Variants in ARPC5L observed in about 807,000 individuals in gnomAD.
ARPC5L encodes the protein actin related protein 2/3 complex subunit 5 like.
ARPC5L carries 4 observed loss-of-function variants against 16.9 expected under a neutral mutation model. The ratio of observed to expected loss-of-function variants is 0.24; its 90% CI spans 0.12 to 0.54. ARPC5L has a LOEUF of 0.54. Among genes scored for constraint, ARPC5L ranks in the 20% least tolerant of loss-of-function variants. The probability of loss-of-function intolerance (pLI) is 0.95; values close to 1 mark genes in which losing one functional copy is unlikely to be tolerated. For synonymous variants in ARPC5L, 78 were observed against 82.6 expected (o/e 0.94, Z 0.30); for missense variants, 151 against 201.9 (o/e 0.75, Z 1.53).
intron 2 of ARPC5L, 43 bp downstream of exon 2, chr9:124,864,150 G>T (rs1564309983): frequency 6.6e-6 from 1 of 151,704 alleles, no homozygotes; most frequent in Admixed American, 6.6e-5. Context: ...GGGGAAAAAA[G>T]AGAGTAGAGA....
At chr9:124,874,890 T>G in intron 4 of ARPC5L, 85 bp from the exon 5 acceptor site, 2 of 1,529,746 alleles carry the variant, frequency 1.3e-6, no homozygotes, top group Non-Finnish European at 1.8e-6. Context: ...GTGTTTCTGG[T>G]GATCTGTGTC....
In ARPC5L at chr9:124,869,040, G is replaced by A. The variant is rs1275251016; in HGVS notation, c.-251G>A. On this transcript the variant is annotated 5_prime_UTR_variant, in exon 3 of 6. Transcript: ENST00000353214. ...AGAGACTCCGTGGAAGGGACACTGAGGTGGGGGAGGCTGCGGTGATCCCAT... is the reference window on the plus strand; with the variant it reads ...AGAGACTCCGTGGAAGGGACACTGAAGTGGGGGAGGCTGCGGTGATCCCAT... 18 of 383,014 alleles carry A rather than the reference G, an allele frequency of 4.7e-5. No individual in the cohort carries two copies. Among genetic ancestry groups the A allele is most frequent in the African/African-American group, 2.1e-4 (10 of 47,386 alleles). The allele number at this position is 383,014 out of a possible 1,614,324, so 23.7% of individuals were successfully genotyped here.
intron 3 of ARPC5L, among the ~76,000 whole-genome samples, chr9:124,872,127 C>T (rs997390246): frequency 1.3e-5 from 2 of 152,194 alleles, no homozygotes; most frequent in African/African-American, 4.8e-5. Flanking sequence ...GAGTTAACGC[C>T]ACAGCAGTAG....
chr9:124,872,270 T>C (rs1271854797), intron 3 of ARPC5L, among the ~76,000 whole-genome samples: 1 of 152,160 alleles, frequency 6.6e-6, no homozygotes, highest in African/African-American at 2.4e-5. Context: ...TATGGGATCC[T>C]GCTTATTGCT....
At position 124,869,197 on chromosome 9, in the gene ARPC5L, C is replaced by A. The variant is rs535215872; in HGVS notation, c.-94C>A. The A allele has an allele frequency of 4.0e-5, 52 of 1,313,080 alleles. No individual in the cohort carries two copies. The highest frequency in any genetic ancestry group is 5.0e-5 in the Non-Finnish European group (51 of 1,018,740). The allele number at this position is 1,313,080 out of a possible 1,614,324, so 81.3% of individuals were successfully genotyped here. A position where few individuals can be genotyped will look rare whatever the true frequency, so the allele number is the denominator to read the frequency against. ...GAGGTGCTGGGAGCAGCCGGGCAGC[C>A]GCTTCCCGCCCCCGAGCAGGAGCCG... On this transcript the variant is annotated 5_prime_UTR_variant, in exon 3 of 6. Coordinates refer to ENST00000353214, the MANE Select transcript of ARPC5L (RefSeq NM_030978.3).
rs143556275 is a variant in ARPC5L at position 124,876,487 on chromosome 9, A to G, written c.400-391A>G. On this transcript the variant is annotated intron_variant, in intron 5 of 5. Coordinates refer to ENST00000353214, the MANE Select transcript of ARPC5L (RefSeq NM_030978.3). ...GGTGACAAGAGCGAAACTCCGTCTC[A>G]AAAAAAATAAATTAGCCGGGCCTGG... Among the ~76,000 whole-genome samples the G allele has an allele frequency of 2.8e-3, 420 of 152,094 alleles. 3 individuals carry two copies. The highest frequency in any genetic ancestry group is 9.8e-3 in the African/African-American group (405 of 41,490).
chr9:124,875,842 G>T (rs1332374731), intron 5 of ARPC5L, among the ~76,000 whole-genome samples: 1 of 152,192 alleles, frequency 6.6e-6, no homozygotes, highest in African/African-American at 2.4e-5. Flanking sequence ...TTCCTCAGAG[G>T]CTCAGTGTTG....
chr9:124,865,062 C>T (rs1829250490), intron 2 of ARPC5L, among the ~76,000 whole-genome samples: 1 of 152,006 alleles, frequency 6.6e-6, no homozygotes, highest in South Asian at 2.1e-4. Flanking sequence ...AAACTCCTGA[C>T]CTCAGGTGAT....
At position 124,873,703 on chromosome 9, in the gene ARPC5L, T is replaced by C. The variant is rs1248237865; in HGVS notation, c.161T>C (p.Leu54Pro). 6.2e-7 allele frequency: 1 copy of C among 1,614,212 alleles called. No individual in the cohort carries two copies. Among genetic ancestry groups the C allele is most frequent in the Non-Finnish European group, 8.5e-7 (1 of 1,180,034 alleles). ...TGGTGGTGATGCACAGGGGACATGC[T>C]TCGGGCATTCCATGCAGCCTTGCGG... The part of the protein sequence containing the change: ...VDGLLRQGDM[L>P]RAFHAALRNS... Residue 54 changes from leucine to proline, a missense_variant, in exon 4 of 6, where the codon CTT (leucine) becomes CCT (proline). Coordinates refer to ENST00000353214, the MANE Select transcript of ARPC5L (RefSeq NM_030978.3).
In ARPC5L at chr9:124,869,204, C is replaced by CTCG; in HGVS notation, c.-87_-86insTCG. The CTCG allele has an allele frequency of 1.5e-6, 2 of 1,329,142 alleles. No homozygotes were observed. The highest frequency in any genetic ancestry group is 3.7e-5 in the South Asian group (2 of 53,468). The allele number at this position is 1,329,142 out of a possible 1,614,324, so 82.3% of individuals were successfully genotyped here. A position where few individuals can be genotyped will look rare whatever the true frequency, so the allele number is the denominator to read the frequency against. On this transcript the variant is annotated 5_prime_UTR_variant, in exon 3 of 6. Coordinates refer to ENST00000353214, the MANE Select transcript of ARPC5L (RefSeq NM_030978.3). Reference sequence around the variant, plus strand: ...TGGGAGCAGCCGGGCAGCCGCTTCCCGCCCCCGAGCAGGAGCCGGTGCGAG... The same window carrying CTCG: ...TGGGAGCAGCCGGGCAGCCGCTTCCCTCGGCCCCCGAGCAGGAGCCGGTGCGAG...
chr9:124,867,793 CT>C (rs1349717088), intron 2 of ARPC5L, among the ~76,000 whole-genome samples: 1 of 133,852 alleles, frequency 7.5e-6, no homozygotes, highest in Admixed American at 8.5e-5. Context: ...ACCCCTGAGA[CT>C]TTTCTTTTCT....
rs1829211761 is a variant in ARPC5L, at chr9:124,862,194, G to A, written c.-1188G>A. On this transcript the variant is annotated 5_prime_UTR_variant, in exon 1 of 6. Transcript: ENST00000353214. Reference sequence around the variant, plus strand: ...TAGGCGCGCAGTTGGGGAAACCGAGGCCCAACGTGGGCGGCAGCTACCAGA... The same window carrying A: ...TAGGCGCGCAGTTGGGGAAACCGAGACCCAACGTGGGCGGCAGCTACCAGA... 1 of 410,368 alleles carries A rather than the reference G, an allele frequency of 2.4e-6. No homozygotes were observed. The highest frequency in any genetic ancestry group is 4.4e-6 in the Non-Finnish European group (1 of 229,682). The allele number at this position is 410,368 out of a possible 1,614,324, so 25.4% of individuals were successfully genotyped here. A position where few individuals can be genotyped will look rare whatever the true frequency, so the allele number is the denominator to read the frequency against.
chr9:124,877,036 C>A lies in ARPC5L; in HGVS notation c.*96C>A. 1 of 915,466 alleles carries A rather than the reference C, an allele frequency of 1.1e-6. No homozygotes were observed. The highest frequency in any genetic ancestry group is 1.7e-6 in the Non-Finnish European group (1 of 603,850). 56.7% of individuals were successfully genotyped at this position (915,466 alleles called of 1,614,324 possible). A position where few individuals can be genotyped will look rare whatever the true frequency, so the allele number is the denominator to read the frequency against. On this transcript the variant is annotated 3_prime_UTR_variant, in exon 6 of 6. Coordinates refer to ENST00000353214, the MANE Select transcript of ARPC5L (RefSeq NM_030978.3). ...AATGGACCATCTTCCTAGGAACTCCCAAGTAAACTATTTCAGGACATGTAT... is the reference window on the plus strand; with the variant it reads ...AATGGACCATCTTCCTAGGAACTCCAAAGTAAACTATTTCAGGACATGTAT...
At chr9:124,863,596 A>C (rs1479883279) in intron 1 of ARPC5L, among the ~76,000 whole-genome samples, 1 of 152,196 alleles carries the variant, frequency 6.6e-6, no homozygotes, top group East Asian at 1.9e-4. Flanking sequence ...GAATTAGAGG[A>C]GATATCTGTA....
At chr9:124,875,327 G>A (rs1300815869) in intron 5 of ARPC5L, among the ~76,000 whole-genome samples, 176 bp downstream of exon 5, 1 of 152,174 alleles carries the variant, frequency 6.6e-6, no homozygotes, top group African/African-American at 2.4e-5. Context: ...CTCCTGGTAG[G>A]GACCTGCTGT....
Position 124,868,805 on chromosome 9 carries a change from C to G in ARPC5L, c.-486C>G, listed in dbSNP as rs1829306948. 1 of 153,714 alleles carries G rather than the reference C, an allele frequency of 6.5e-6. No individual in the cohort carries two copies. The highest frequency in any genetic ancestry group is 2.1e-4 in the South Asian group (1 of 4,846). The allele number at this position is 153,714 out of a possible 1,614,324, so 9.5% of individuals were successfully genotyped here. ...GAAGGTTTCTTCTCCAAGAAGCCTG[C>G]CCGGCACTCGAGAAGTAGAGCCGCG... On this transcript the variant is annotated 5_prime_UTR_variant, in exon 3 of 6. Transcript: ENST00000353214.
rs780646767 is a variant in ARPC5L, at chr9:124,876,964, C to T, written c.*24C>T. ...AAAAAAAATAAAAAGACTCATGTTA[C>T]CTTGAGAAGAATTCTGGATGCCCAG... On this transcript the variant is annotated 3_prime_UTR_variant, in exon 6 of 6. Coordinates refer to ENST00000353214, the MANE Select transcript of ARPC5L (RefSeq NM_030978.3). 3.8e-6 allele frequency: 6 copies of T among 1,589,624 alleles called. No homozygotes were observed. Among genetic ancestry groups the T allele is most frequent in the Non-Finnish European group, 5.1e-6 (6 of 1,165,380 alleles).
At position 124,868,972 on chromosome 9, in the gene ARPC5L, G is replaced by A. The variant is rs937221827; in HGVS notation, c.-319G>A. On this transcript the variant is annotated 5_prime_UTR_variant, in exon 3 of 6. Coordinates refer to ENST00000353214, the MANE Select transcript of ARPC5L (RefSeq NM_030978.3). ...GCGCAGTTACGGCACACACGAGGCG[G>A]GGCCTGCACAGATGCCGGGCGCCCG... 5 of 256,916 alleles carry A rather than the reference G, an allele frequency of 1.9e-5. No homozygotes were observed. Among genetic ancestry groups the A allele is most frequent in the African/African-American group, 1.1e-4 (5 of 44,822 alleles). 15.9% of individuals were successfully genotyped at this position (256,916 alleles called of 1,614,324 possible). A position where few individuals can be genotyped will look rare whatever the true frequency, so the allele number is the denominator to read the frequency against.
At chr9:124,875,212 C>A in intron 5 of ARPC5L, 61 bp downstream of exon 5, 1 of 1,563,496 alleles carries the variant, frequency 6.4e-7, no homozygotes, top group Non-Finnish European at 8.7e-7. Context: ...GTTCGATCAG[C>A]AGGCCAGATT....
Sources: allele counts gnomAD v4.1 joint callset (sites outside exome capture counted in the v4.1 genomes callset), GRCh38; gene constraint gnomAD v4.1.1; transcripts MANE v1.5; gene names NCBI Gene and HGNC (gene_info 2026-07-23, HGNC 2026-07-21).